The following TMEM65 variants were observed in gnomAD, a reference collection of about 807,000 sequenced individuals.
TMEM65 encodes the protein transmembrane protein 65.
A neutral mutation model predicts 25.4 loss-of-function variants in TMEM65; 22 were observed. The observed-to-expected ratio is 0.86, with a 90% CI of 0.62 to 1.23. TMEM65 has a LOEUF of 1.23. TMEM65 is among the 50% of genes most tolerant of loss of function. TMEM65 has a pLI of 0.00. For synonymous variants in TMEM65, 132 were observed against 126.2 expected (o/e 1.05, Z -0.31); for missense variants, 262 against 308.2 (o/e 0.85, Z 1.12).
rs1586479174 is a variant in TMEM65 at position 124,372,390 on chromosome 8, T to G, written c.-233A>C. On this transcript the variant is annotated 5_prime_UTR_variant, in exon 1 of 7. Transcript: ENST00000297632. ...CTCCCGCCCCTCCGATGGGAAAAAC[T>G]TTCTCTGAGACGGCCGGGCCCGGAC... 5.0e-6 allele frequency: 1 copy of G among 199,658 alleles called. No individual in the cohort carries two copies. The highest frequency in any genetic ancestry group is 2.3e-3 in the Middle Eastern group (1 of 442). The allele number at this position is 199,658 out of a possible 1,614,324, so 12.4% of individuals were successfully genotyped here.
At chr8:124,364,551 G>A (rs1228019961) in intron 1 of TMEM65, among the ~76,000 whole-genome samples, 4 of 152,108 alleles carry the variant, frequency 2.6e-5, no homozygotes, top group African/African-American at 9.7e-5. Context: ...TCCGACATCT[G>A]GTAGAAGCTA....
At position 124,307,550 on chromosome 8, in the gene TMEM65, A is replaced by T. The variant is rs1469557841; in HGVS notation, c.*6410T>A. On this transcript the variant is annotated 3_prime_UTR_variant, in exon 7 of 7. Coordinates refer to ENST00000297632, the MANE Select transcript of TMEM65 (RefSeq NM_194291.3). Reference sequence around the variant, plus strand: ...CCTTTTTATCTCGTATTAAAAATGCAACTTTTATGTGGGTGCAGTATTGCT... The same window carrying T: ...CCTTTTTATCTCGTATTAAAAATGCTACTTTTATGTGGGTGCAGTATTGCT... The T allele has an allele frequency of 6.6e-6, 1 of 152,086 alleles. No individual in the cohort carries two copies. Among genetic ancestry groups the T allele is most frequent in the Non-Finnish European group, 1.5e-5 (1 of 68,016 alleles). 9.4% of individuals were successfully genotyped at this position (152,086 alleles called of 1,614,324 possible).
intron 1 of TMEM65, among the ~76,000 whole-genome samples, chr8:124,347,479 G>A (rs1050731828): frequency 1.3e-5 from 2 of 152,028 alleles, no homozygotes; most frequent in African/African-American, 4.8e-5. Flanking sequence ...CTACCTATTG[G>A]GCACAACGTA....
chr8:124,355,082 T>C (rs929254983), intron 1 of TMEM65, among the ~76,000 whole-genome samples: 7 of 152,180 alleles, frequency 4.6e-5, no homozygotes, highest in Middle Eastern at 6.8e-3. Context: ...GACTAACCAA[T>C]GGACAGTGTA....
In TMEM65 at chr8:124,327,402, T is replaced by C. The variant is rs367663079; in HGVS notation, c.369A>G (p.Ile123Met). The C allele has an allele frequency of 3.1e-6, 5 of 1,598,608 alleles. No individual in the cohort carries two copies. The African/African-American group carries it at 5.4e-5, about 17-fold the overall frequency. The change falls in exon 3 of 7, where the codon ATA (isoleucine) becomes ATG (methionine). Residue 123 changes from isoleucine (I) to methionine (M), a missense_variant. Transcript: ENST00000297632. ...CCAAAAAGCCAAACCCTATGAAAGG[T>C]ATCGCATTGTGGATGAATACTGAAA... is the stretch of plus-strand genomic sequence containing the variant. The part of the protein sequence containing the change: ...QLRYVFIHNA[I>M]PFIGFGFLDN...
rs1814201001 is a variant in TMEM65 at position 124,314,066 on chromosome 8, G to C, written c.622-5C>G. On this transcript the variant is annotated splice_region_variant and splice_polypyrimidine_tract_variant and intron_variant, in intron 6 of 6. Coordinates refer to ENST00000297632, the MANE Select transcript of TMEM65 (RefSeq NM_194291.3). ...AGTCACCCCAACAGCTTTGCCCTAA[G>C]GAAACAAAAGAGAACATTTTTAAAG... 4 of 1,596,018 alleles carry C rather than the reference G, an allele frequency of 2.5e-6. No individual in the cohort carries two copies. The highest frequency in any genetic ancestry group is 3.4e-6 in the Non-Finnish European group (4 of 1,165,876).
intron 1 of TMEM65, among the ~76,000 whole-genome samples, chr8:124,340,051 G>A (rs528806732): frequency 3.9e-5 from 6 of 152,062 alleles, no homozygotes; most frequent in South Asian, 2.1e-4. Context: ...AATCAAAGAC[G>A]GCCTCTTCAA....
chr8:124,336,461 C>G (rs1485766527), intron 1 of TMEM65, among the ~76,000 whole-genome samples: 4 of 151,858 alleles, frequency 2.6e-5, no homozygotes, highest in Admixed American at 2.0e-4. Context: ...TGCTGATCCA[C>G]AAAACATGTT....
intron 6 of TMEM65, 102 bp from the exon 7 acceptor site, chr8:124,314,163 T>C: frequency 1.2e-6 from 1 of 817,732 alleles, no homozygotes; most frequent in South Asian, 1.5e-5. Flanking sequence ...TTGGATTTGC[T>C]ACCCTTCATA....
intron 1 of TMEM65, among the ~76,000 whole-genome samples, chr8:124,351,727 C>T (rs1391126981): frequency 6.6e-6 from 1 of 152,074 alleles, no homozygotes; most frequent in Non-Finnish European, 1.5e-5. Context: ...ATCTTTTCAC[C>T]ACAACCTCCT....
intron 1 of TMEM65, among the ~76,000 whole-genome samples, chr8:124,337,969 CTTAAT>C (rs1814532479): frequency 2.0e-5 from 3 of 151,704 alleles, no homozygotes; most frequent in South Asian, 4.2e-4. Flanking sequence ...ATCTAAAATA[CTTAAT>C]TTATTTGGTT....
At chr8:124,355,987 C>A (rs28456315) in intron 1 of TMEM65, among the ~76,000 whole-genome samples, 3 of 152,146 alleles carry the variant, frequency 2.0e-5, no homozygotes, top group South Asian at 4.2e-4. Flanking sequence ...ACAAAAAAGA[C>A]AAGAAAGCCC....
At chr8:124,369,898 T>C (rs1415365584) in intron 1 of TMEM65, among the ~76,000 whole-genome samples, 1 of 152,136 alleles carries the variant, frequency 6.6e-6, no homozygotes, top group African/African-American at 2.4e-5. Flanking sequence ...TCAGCAAAAA[T>C]AGCTGATTTA....
Position 124,310,610 on chromosome 8 carries a change from A to G in TMEM65, c.*3350T>C, listed in dbSNP as rs1586452227. On this transcript the variant is annotated 3_prime_UTR_variant, in exon 7 of 7. Coordinates refer to ENST00000297632, the MANE Select transcript of TMEM65 (RefSeq NM_194291.3). ...GTCATTAAGGTGATTAAATGCAATA[A>G]TGTGTGTAAATTACTAGTGCATAAA... 6.6e-6 allele frequency: 1 copy of G among 152,184 alleles called. No homozygotes were observed. Among genetic ancestry groups the G allele is most frequent in the African/African-American group, 2.4e-5 (1 of 41,444 alleles). The allele number at this position is 152,184 out of a possible 1,614,324, so 9.4% of individuals were successfully genotyped here. A position where few individuals can be genotyped will look rare whatever the true frequency, so the allele number is the denominator to read the frequency against.
chr8:124,314,331 C>T (rs1323306851), intron 6 of TMEM65, among the ~76,000 whole-genome samples: 2 of 152,190 alleles, frequency 1.3e-5, no homozygotes, highest in African/African-American at 4.8e-5. Flanking sequence ...AACTTAAAGA[C>T]TTCTAAGTTC....
chr8:124,317,656 G>A (rs1814254898), intron 6 of TMEM65, among the ~76,000 whole-genome samples: 1 of 152,168 alleles, frequency 6.6e-6, no homozygotes, highest in South Asian at 2.1e-4. Flanking sequence ...TGGTATTTAA[G>A]TCTTTGCATA....
At chr8:124,370,672 A>G (rs1453866787) in intron 1 of TMEM65, among the ~76,000 whole-genome samples, 9 of 152,214 alleles carry the variant, frequency 5.9e-5, no homozygotes, top group African/African-American at 1.9e-4. Context: ...CAACTAAAAC[A>G]AGTTTCTGAA....
chr8:124,339,222 A>AAAAAAAATATATATAT (rs1563594368), intron 1 of TMEM65, among the ~76,000 whole-genome samples: 1 of 19,906 alleles, frequency 5.0e-5, no homozygotes, highest in Non-Finnish European at 7.9e-5. Flanking sequence ...AAAAAAAAAA[A>AAAAAAAATATATATAT]ATATATATAT....
At chr8:124,340,468 A>T (rs915992680) in intron 1 of TMEM65, among the ~76,000 whole-genome samples, 5 of 152,196 alleles carry the variant, frequency 3.3e-5, no homozygotes, top group Non-Finnish European at 7.4e-5. Flanking sequence ...GACTTGGGTA[A>T]TCTTTGGCAA....
Sources: allele counts gnomAD v4.1 joint callset (sites outside exome capture counted in the v4.1 genomes callset), GRCh38; gene constraint gnomAD v4.1.1; transcripts MANE v1.5; gene names NCBI Gene and HGNC (gene_info 2026-07-23, HGNC 2026-07-21).